The following REL variants were observed in gnomAD, a reference collection of about 807,000 sequenced individuals.
REL encodes the protein proto-oncogene c-Rel.
In REL, 15 loss-of-function variants were observed where a neutral mutation model predicts 45.9. That is an observed-to-expected ratio of 0.33 (90% confidence interval 0.22 to 0.50). The LOEUF is 0.50. REL is among the 20% of genes least tolerant of loss of function. The pLI is 0.98. For missense variants in REL, 601 were observed against 715.2 expected (o/e 0.84, Z 1.82); for synonymous variants, 239 against 242.1 (o/e 0.99, Z 0.12).
chr2:60,883,945 T>C (rs1482799037), intron 1 of REL, among the ~76,000 whole-genome samples: 1 of 141,694 alleles, frequency 7.1e-6, no homozygotes, highest in Non-Finnish European at 1.6e-5. Context: ...GTTAGAAAAC[T>C]GCCAGGCCTG....
At chr2:60,894,176 A>G (rs976586857) in intron 2 of REL, among the ~76,000 whole-genome samples, 1 of 152,208 alleles carries the variant, frequency 6.6e-6, no homozygotes, top group African/African-American at 2.4e-5. Context: ...GATATGACCA[A>G]TTGAAATTAG....
intron 3 of REL, among the ~76,000 whole-genome samples, chr2:60,896,314 A>C (rs1328045544): frequency 6.6e-6 from 1 of 152,146 alleles, no homozygotes; most frequent in Non-Finnish European, 1.5e-5. Context: ...TGGCCAGATA[A>C]ATAGGTTTTA....
intron 4 of REL, among the ~76,000 whole-genome samples, chr2:60,902,620 G>A (rs1466629511): frequency 7.3e-6 from 1 of 136,146 alleles, no homozygotes; most frequent in African/African-American, 2.8e-5. Context: ...TTTTGAGGTA[G>A]TCTTGCTCTG....
intron 1 of REL, among the ~76,000 whole-genome samples, chr2:60,884,196 A>G (rs1034916540): frequency 6.6e-5 from 10 of 151,682 alleles, no homozygotes; most frequent in African/African-American, 2.2e-4. Flanking sequence ...AGTAACTTTT[A>G]TTCATTACGA....
rs1445568756 is a variant in REL at position 60,893,445 on chromosome 2, G to T, written c.154-952G>T. Among the ~76,000 whole-genome samples the T allele has an allele frequency of 2.6e-5, 4 of 152,112 alleles. No homozygotes were observed. In the East Asian group the frequency reaches 7.7e-4, roughly 29 times the overall value. ...AAAAGGAAATAAGGAAATACTATTTGTCCAGTTTTTTGAGTCATTTTTAAA... is the reference window on the plus strand; with the variant it reads ...AAAAGGAAATAAGGAAATACTATTTTTCCAGTTTTTTGAGTCATTTTTAAA... On this transcript the variant is annotated intron_variant, in intron 2 of 9. Transcript: ENST00000394479.
chr2:60,900,682 C>T (rs6761545), intron 3 of REL: 2,485 of 243,616 alleles, frequency 0.01, 81 homozygotes, highest in African/African-American at 0.054. Context: ...TGCCACTATG[C>T]CTGGCTAATT....
At position 60,921,856 on chromosome 2, in the gene REL, T is replaced by C. The variant is rs1260557815; in HGVS notation, c.1085T>C (p.Ile362Thr). The change falls in exon 10 of 10, where the codon ATC becomes ACC. Residue 362 changes from isoleucine to threonine, a missense_variant. Physicochemically the swap from Ile to Thr is moderately conservative, Grantham distance 89. Around this residue, in one of 4 missense-constraint regions of REL, gnomAD observed 334 missense variants for 333.1 expected, o/e 1.00. Transcript: ENST00000394479. Reference protein sequence around the residue: ...AESYYPSPGPISSGLSHHASM... With the variant: ...AESYYPSPGPTSSGLSHHASM... ...TCCTACTATCCCTCACCTGGGCCCA[T>C]CTCAAGTGGATTGTCACATCATGCC... is the stretch of plus-strand genomic sequence containing the variant. The C allele has an allele frequency of 1.2e-6, 2 of 1,613,958 alleles. No homozygotes were observed. Among genetic ancestry groups the C allele is most frequent in the Non-Finnish European group, 1.7e-6 (2 of 1,180,014 alleles).
chr2:60,889,418 C>G (rs1221553205), intron 1 of REL, among the ~76,000 whole-genome samples: 2 of 152,108 alleles, frequency 1.3e-5, no homozygotes, highest in East Asian at 3.8e-4. Context: ...ATCACTAAAT[C>G]ATTGTTTTCA....
rs1251379134 is a variant in REL at position 60,923,233 on chromosome 2, T to C, written c.*698T>C. 1 of 211,682 alleles carries C rather than the reference T, an allele frequency of 4.7e-6. No homozygotes were observed. The highest frequency in any genetic ancestry group is 2.3e-5 in the African/African-American group (1 of 44,122). The allele number at this position is 211,682 out of a possible 1,614,324, so 13.1% of individuals were successfully genotyped here. A position where few individuals can be genotyped will look rare whatever the true frequency, so the allele number is the denominator to read the frequency against. ...GGGTTTTCTTAGGCTTCTTGGAGCT[T>C]AGATTTGTATGTATATCAAAATGTC... On this transcript the variant is annotated 3_prime_UTR_variant, in exon 10 of 10. Transcript: ENST00000394479.
In REL at chr2:60,916,909, T is replaced by C; in HGVS notation, c.427T>C (p.Cys143Arg). The change falls in exon 5 of 10, where the codon TGT becomes CGT. Residue 143 changes from cysteine (C) to arginine (R), a missense_variant. Physicochemically the swap from Cys to Arg is radical, Grantham distance 180. This residue lies in a region of REL where 241 missense variants were observed against 347.0 expected (regional missense o/e 0.69). Coordinates refer to ENST00000394479, the MANE Select transcript of REL (RefSeq NM_001291746.2). ...PEKQLNDIEDCDLNVVRLCFQ... is the reference protein window; with the variant it reads ...PEKQLNDIEDRDLNVVRLCFQ... Reference sequence around the variant, plus strand: ...AAAACAGCTGAATGATATTGAAGATTGTGACCTCAATGTGGTGAGACTGTG... The same window carrying C: ...AAAACAGCTGAATGATATTGAAGATCGTGACCTCAATGTGGTGAGACTGTG... 1 of 1,613,456 alleles carries C rather than the reference T, an allele frequency of 6.2e-7. No individual in the cohort carries two copies. Among genetic ancestry groups the C allele is most frequent in the Non-Finnish European group, 8.5e-7 (1 of 1,179,612 alleles).
chr2:60,917,094 A>C (rs1355769133), intron 5 of REL, 77 bp downstream of exon 5: 1 of 1,274,948 alleles, frequency 7.8e-7, no homozygotes, highest in African/African-American at 1.5e-5. Flanking sequence ...TTATTTTGGT[A>C]ATTAGGAAAA....
At chr2:60,896,526 T>C (rs1302402008) in intron 3 of REL, among the ~76,000 whole-genome samples, 2 of 152,100 alleles carry the variant, frequency 1.3e-5, no homozygotes, top group African/African-American at 4.8e-5. Context: ...AATGAACTAA[T>C]GGCAACAGAA....
chr2:60,886,192 C>T (rs911233055), intron 1 of REL, among the ~76,000 whole-genome samples: 1 of 152,200 alleles, frequency 6.6e-6, no homozygotes, highest in Non-Finnish European at 1.5e-5. Context: ...GCTTTAAAAA[C>T]TATGAAGATT....
chr2:60,917,553 AG>A (rs1674009966), intron 5 of REL, among the ~76,000 whole-genome samples: 1 of 134,812 alleles, frequency 7.4e-6, no homozygotes, highest in Non-Finnish European at 1.6e-5. Context: ...TTTTGGAGAC[AG>A]GGTCTCACTC....
At chr2:60,897,860 CT>C (rs1368458767) in intron 3 of REL, among the ~76,000 whole-genome samples, 2 of 112,816 alleles carry the variant, frequency 1.8e-5, no homozygotes, top group Non-Finnish European at 3.7e-5. Context: ...GATTGTATCT[CT>C]TTAAAAAAAA....
In REL at chr2:60,892,623, T is replaced by A. The variant is rs567958242; in HGVS notation, c.153+798T>A. On this transcript the variant is annotated intron_variant, in intron 2 of 9. Transcript: ENST00000394479. ...TTTGTATTTTTTAGTAGAGACGGGG[T>A]TTCACCATGTTGGCCAGGCTGGTCT... Among the ~76,000 whole-genome samples the A allele has an allele frequency of 2.6e-5, 4 of 151,680 alleles. No individual in the cohort carries two copies. The East Asian group carries it at 7.8e-4, about 29-fold the overall frequency.
At chr2:60,896,020 T>G (rs1290044804) in intron 3 of REL, among the ~76,000 whole-genome samples, 1 of 152,120 alleles carries the variant, frequency 6.6e-6, no homozygotes, top group Admixed American at 6.5e-5. Context: ...TTTTTTTCTT[T>G]TTGAGACAGT....
intron 4 of REL, among the ~76,000 whole-genome samples, chr2:60,913,972 A>T (rs1673889418): frequency 6.6e-6 from 1 of 152,184 alleles, no homozygotes; most frequent in South Asian, 2.1e-4. Context: ...TCAGTCATTT[A>T]TGTTAATTGA....
intron 3 of REL, among the ~76,000 whole-genome samples, chr2:60,895,147 C>T (rs1252150349): frequency 6.6e-6 from 1 of 151,784 alleles, no homozygotes; most frequent in African/African-American, 2.4e-5. Flanking sequence ...GTGTGAGACA[C>T]CGTGCCTAGC....
Sources: gnomAD v4.1 joint callset for allele counts (sites outside exome capture counted in the v4.1 genomes callset) on GRCh38, gnomAD v4.1.1 for gene constraint, gnomAD v4.1.1 regional missense constraint, MANE v1.5 for transcripts, NCBI Gene and HGNC (gene_info 2026-07-23, HGNC 2026-07-21) for gene names.